Variants in NAV1 observed in about 807,000 individuals in gnomAD.
NAV1 encodes pore membrane and/or filament interacting like protein 3.
In NAV1, 18 loss-of-function variants were observed where a neutral mutation model predicts 175.2. The ratio of observed to expected loss-of-function variants is 0.10; its 90% CI spans 0.07 to 0.15. The LOEUF is 0.15. Ranked by LOEUF, NAV1 falls within the 10% of genes least tolerant of loss-of-function variation. The pLI, the probability that NAV1 is intolerant of heterozygous loss-of-function variation, is 1.00. For synonymous variants in NAV1, 897 were observed against 978.7 expected, an observed-to-expected ratio of 0.92 and a Z score of 1.56; for missense variants, 1,731 against 2,436.6, an observed-to-expected ratio of 0.71 and a Z score of 6.10.
chr1:201,652,566 G>T (rs551277332), intron 1 of NAV1, among the ~76,000 whole-genome samples: 1 of 152,214 alleles, frequency 6.6e-6, no homozygotes, highest in South Asian at 2.1e-4. Context: ...AAGGCCCTTG[G>T]CCTGGGTCTG....
At chr1:201,709,771 CT>C (rs1235422606) in intron 1 of NAV1, among the ~76,000 whole-genome samples, 5 of 152,356 alleles carry the variant, frequency 3.3e-5, no homozygotes, top group Admixed American at 1.3e-4. Context: ...AAACCCTGCC[CT>C]AACCTCCTCC....
At chr1:201,672,016 T>C (rs764340640) in intron 1 of NAV1, among the ~76,000 whole-genome samples, 4 of 152,198 alleles carry the variant, frequency 2.6e-5, no homozygotes, top group Non-Finnish European at 2.9e-5. Flanking sequence ...CCGTCTCTCC[T>C]CTTTAGCCTG....
At chr1:201,658,137 C>T (rs535154000) in intron 1 of NAV1, among the ~76,000 whole-genome samples, 8 of 152,312 alleles carry the variant, frequency 5.3e-5, no homozygotes, top group African/African-American at 1.9e-4. Flanking sequence ...AAGACTCCCT[C>T]AAACATTGAG....
intron 2 of NAV1, among the ~76,000 whole-genome samples, chr1:201,597,426 G>A (rs1443162817): frequency 6.6e-6 from 1 of 152,240 alleles, no homozygotes. Context: ...CAGCTAAGCT[G>A]TCTTCCTGGG....
intron 1 of NAV1, among the ~76,000 whole-genome samples, chr1:201,557,965 G>C (rs936999916): frequency 3.9e-5 from 6 of 152,148 alleles, no homozygotes; most frequent in African/African-American, 1.2e-4. Context: ...AGGAGGCCTG[G>C]ACTCCAAAAA....
chr1:201,684,779 C>T (rs1670613040), intron 1 of NAV1, among the ~76,000 whole-genome samples: 1 of 151,618 alleles, frequency 6.6e-6, no homozygotes, highest in Non-Finnish European at 1.5e-5. Context: ...CCAGCCTATG[C>T]AGCTTTAAAA....
intron 2 of NAV1, among the ~76,000 whole-genome samples, chr1:201,602,661 T>TG (rs1416210452): frequency 1.7e-5 from 2 of 117,938 alleles, no homozygotes; most frequent in African/African-American, 6.0e-5. Context: ...GTTTTTTTTT[T>TG]TTTTGGTTTT....
exon 1 of NAV1, chr1:201,648,522 C>T: frequency 4.0e-6 from 5 of 1,244,210 alleles, no homozygotes; most frequent in East Asian, 3.2e-5. Context: ...TCGCTCTCTC[C>T]CCCTTCTCTC....
chr1:201,696,362 G>A (rs147451027), intron 1 of NAV1, among the ~76,000 whole-genome samples: 42 of 152,298 alleles, frequency 2.8e-4, no homozygotes, highest in African/African-American at 9.4e-4. Flanking sequence ...GCAAGCAGGC[G>A]ACACAACCTG....
At chr1:201,772,589 C>T (rs577274689) in intron 3 of NAV1, among the ~76,000 whole-genome samples, 1 of 152,284 alleles carries the variant, frequency 6.6e-6, no homozygotes, top group South Asian at 2.1e-4. Flanking sequence ...TGAAATCATT[C>T]CTTCCTCTGT....
At chr1:201,734,499 G>GAGAAGGAGAAGAAGAAGAAGA (rs1673018410) in intron 3 of NAV1, among the ~76,000 whole-genome samples, 6 of 121,060 alleles carry the variant, frequency 5.0e-5, no homozygotes, top group African/African-American at 1.5e-4. Flanking sequence ...GAAGGAGAAG[G>GAGAAGGAGAAGAAGAAGAAGA]AGAAGAAGAA....
intron 1 of NAV1, among the ~76,000 whole-genome samples, chr1:201,704,012 G>T (rs1030794366): frequency 6.6e-6 from 1 of 152,192 alleles, no homozygotes; most frequent in African/African-American, 2.4e-5. Context: ...GAGCCTCTTG[G>T]AAACTTTGGC....
chr1:201,783,875 C>A, intron 7 of NAV1, 23 bp downstream of exon 11: 1 of 1,578,250 alleles, frequency 6.3e-7, no homozygotes, highest in Middle Eastern at 1.7e-4. Context: ...GACAGCAGAA[C>A]CTCGGCCTGT....
chr1:201,668,860 G>A (rs1334402462), intron 1 of NAV1, among the ~76,000 whole-genome samples: 1 of 152,046 alleles, frequency 6.6e-6, no homozygotes, highest in Admixed American at 6.6e-5. Flanking sequence ...GCTGCGTTGG[G>A]GTCACTCCTG....
intron 2 of NAV1, among the ~76,000 whole-genome samples, chr1:201,591,456 A>G (rs1667190780): frequency 6.6e-6 from 1 of 152,172 alleles, no homozygotes; most frequent in Non-Finnish European, 1.5e-5. Context: ...GCCTTTGAGT[A>G]GCCCCAGGTG....
intron 1 of NAV1, among the ~76,000 whole-genome samples, chr1:201,683,558 G>A (rs1571882110): frequency 6.7e-6 from 1 of 148,282 alleles, no homozygotes; most frequent in East Asian, 2.0e-4. Context: ...AGGAGGTGGG[G>A]CTCAGGCGGT....
intron 2 of NAV1, among the ~76,000 whole-genome samples, chr1:201,638,846 G>A (rs1668675333): frequency 6.6e-6 from 1 of 152,206 alleles, no homozygotes; most frequent in Non-Finnish European, 1.5e-5. Flanking sequence ...GTAACTGTAA[G>A]ATCCCCTGTC....
At chr1:201,540,223 A>G (rs1557988516) in intron 1 of NAV1, among the ~76,000 whole-genome samples, 1 of 152,194 alleles carries the variant, frequency 6.6e-6, no homozygotes, top group Non-Finnish European at 1.5e-5. Flanking sequence ...GGAGCCGAAC[A>G]CAGGAAAATC....
intron 2 of NAV1, among the ~76,000 whole-genome samples, chr1:201,642,561 C>CTTCCTTCCTTCCT (rs1223515987): frequency 1.1e-5 from 1 of 92,558 alleles, no homozygotes; most frequent in Non-Finnish European, 2.1e-5. Context: ...TTCTTTTTTC[C>CTTCCTTCCTTCCT]CTTTCTTCCC....
Sources: allele counts gnomAD v4.1 joint callset (sites outside exome capture counted in the v4.1 genomes callset), GRCh38; gene constraint gnomAD v4.1.1; transcripts MANE v1.5; gene names NCBI Gene and HGNC (gene_info 2026-07-23, HGNC 2026-07-21).